RADIL: variants seen among roughly 807,000 people sequenced by gnomAD.
RADIL encodes the protein ras-associating and dilute domain-containing protein.
RADIL carries 99 observed loss-of-function variants against 97.6 expected under a neutral mutation model. The observed-to-expected ratio is 1.01, with a 90% CI of 0.86 to 1.20. The LOEUF (loss-of-function observed/expected upper bound fraction) is 1.20, where lower values mean the gene tolerates loss of function less well. Among genes scored for constraint, RADIL ranks in the 50% most tolerant of loss-of-function variants. The pLI is 0.00. For missense variants in RADIL, 1,765 were observed against 1,498.9 expected, an observed-to-expected ratio of 1.18 and a Z score of -2.93; for synonymous variants, 803 against 691.8, an observed-to-expected ratio of 1.16 and a Z score of -2.52.
At chr7:4,802,164 C>G (rs562194294) in intron 11 of RADIL, among the ~76,000 whole-genome samples, 169 bp from the exon 12 acceptor site, 1 of 152,312 alleles carries the variant, frequency 6.6e-6, no homozygotes, top group South Asian at 2.1e-4. Context: ...AAGGGGCTTC[C>G]CCGCCATCCG....
Position 4,849,521 on chromosome 7 carries a change from T to C in RADIL, c.536-12916A>G, listed in dbSNP as rs1028866328. On this transcript the variant is annotated intron_variant, in intron 2 of 14. Transcript: ENST00000399583. The surrounding 1 kb of genome is among the most constrained non-coding windows in gnomAD (Gnocchi z 5.4). ...CTGTGAGGCTACAGCTTGGTTTTTG[T>C]TGCCTGGGGCAAGGTTCTGAAACAT... 6.6e-6 allele frequency among the ~76,000 whole-genome samples: 1 copy of C among 152,118 alleles called. No homozygotes were observed. The highest frequency in any genetic ancestry group is 1.5e-5 in the Non-Finnish European group (1 of 68,004).
chr7:4,841,502 G>A (rs1011510946), intron 2 of RADIL, among the ~76,000 whole-genome samples: 3 of 152,236 alleles, frequency 2.0e-5, no homozygotes, highest in Admixed American at 2.0e-4. Context: ...ATCTAGTGTT[G>A]ATTTCAGTCC....
At position 4,861,844 on chromosome 7, in the gene RADIL, C is replaced by CACCACCGCGACCTTCACGTCCCCT. The variant is rs769998915; in HGVS notation, c.535+15760_535+15761insAGGGGACGTGAAGGTCGCGGTGGT. On this transcript the variant is annotated intron_variant, in intron 2 of 14. Transcript: ENST00000399583. ...GCCCGCCCCGCCAGGGCACGTCCCCCACCACCGCGACCTTCGCGGCCGCCG... is the reference window on the plus strand; with the variant it reads ...GCCCGCCCCGCCAGGGCACGTCCCCCACCACCGCGACCTTCACGTCCCCTACCACCGCGACCTTCGCGGCCGCCG... 39 of 1,394,992 alleles carry CACCACCGCGACCTTCACGTCCCCT rather than the reference C, an allele frequency of 2.8e-5. 1 individual carries two copies. In the African/African-American group the frequency reaches 5.0e-4, roughly 18 times the overall value. The allele number at this position is 1,394,992 out of a possible 1,614,324, so 86.4% of individuals were successfully genotyped here.
chr7:4,822,459 A>G lies in RADIL; in HGVS notation c.1550T>C (p.Leu517Pro), dbSNP rs1227375699. The change falls in exon 6 of 15, where the codon CTG becomes CCG. Residue 517 changes from leucine (L) to proline (P), a missense_variant. Transcript: ENST00000399583. This position sits in a 1 kb window ranked among gnomAD's most constrained non-coding sequence, Gnocchi z 5.3. ...TGGGCATTTCTGCTGGATAAAGTAC[A>G]GGAGCTCGATGGAGTTAGACATCCA... ...LFWMSNSIELLYFIQQKCPLY... is the reference protein window; with the variant it reads ...LFWMSNSIELPYFIQQKCPLY... 6.2e-7 allele frequency: 1 copy of G among 1,613,054 alleles called. No homozygotes were observed. The highest frequency in any genetic ancestry group is 1.1e-5 in the South Asian group (1 of 91,080).
In RADIL at chr7:4,879,174, G is replaced by A. The variant is rs571725797; in HGVS notation, c.-64-971C>T. Among the ~76,000 whole-genome samples, 1 of 152,372 alleles carries A rather than the reference G, an allele frequency of 6.6e-6. No homozygotes were observed. The highest frequency in any genetic ancestry group is 2.4e-5 in the African/African-American group (1 of 41,596). ...GTCCCGCCCACCACAGGCCGCGGGT[G>A]CCCGGCGCTCCAGGCCACAGAGATG... On this transcript the variant is annotated intron_variant, in intron 1 of 14. Coordinates refer to ENST00000399583, the MANE Select transcript of RADIL (RefSeq NM_018059.5). The surrounding 1 kb of genome is among the most constrained non-coding windows in gnomAD (Gnocchi z 4.1).
chr7:4,805,726 A>G lies in RADIL; in HGVS notation c.2140-10T>C. 11 of 1,602,724 alleles carry G rather than the reference A, an allele frequency of 6.9e-6. No individual in the cohort carries two copies. The highest frequency in any genetic ancestry group is 9.4e-6 in the Non-Finnish European group (11 of 1,174,242). Reference sequence around the variant, plus strand: ...GGGCTGTCCAGCTCATCTGGGTGACAAGAAGGAGCTCATGGTCACAGGTCT... The same window carrying G: ...GGGCTGTCCAGCTCATCTGGGTGACGAGAAGGAGCTCATGGTCACAGGTCT... On this transcript the variant is annotated splice_polypyrimidine_tract_variant and intron_variant, in intron 9 of 14. Coordinates refer to ENST00000399583, the MANE Select transcript of RADIL (RefSeq NM_018059.5).
At chr7:4,876,352 G>C (rs1370694821) in intron 2 of RADIL, among the ~76,000 whole-genome samples, 1 of 151,994 alleles carries the variant, frequency 6.6e-6, no homozygotes, top group East Asian at 1.9e-4. Flanking sequence ...CCAGGCTGGA[G>C]AGCAATGGCA....
At position 4,799,744 on chromosome 7, in the gene RADIL, A is replaced by G. The variant is rs1782011828; in HGVS notation, c.3008T>C (p.Leu1003Pro). The G allele has an allele frequency of 6.4e-7, 1 of 1,551,250 alleles. No individual in the cohort carries two copies. Among genetic ancestry groups the G allele is most frequent in the Non-Finnish European group, 8.7e-7 (1 of 1,153,060 alleles). The change falls in exon 14 of 15, where the codon CTC (leucine) becomes CCC (proline). Residue 1003 changes from leucine to proline, a missense_variant. Physicochemically the swap from Leu to Pro is moderately conservative, Grantham distance 98. Coordinates refer to ENST00000399583, the MANE Select transcript of RADIL (RefSeq NM_018059.5). ...GMHTHLGAPG[L>P]YIQTLLPGSP... is the part of the protein sequence containing the mutation. ...GCCCGGGAGCAGGGTCTGGATGTAG[A>G]GCCCGGGGGCGCCCAGGTGCGTGTG...
chr7:4,881,167 G>A (rs978393353), intron 1 of RADIL, among the ~76,000 whole-genome samples: 1 of 144,456 alleles, frequency 6.9e-6, no homozygotes, highest in Non-Finnish European at 1.5e-5. Context: ...TGTAATCCCA[G>A]CACTTTGGGA....
At position 4,859,964 on chromosome 7, in the gene RADIL, G is replaced by T. The variant is rs1783934948; in HGVS notation, c.535+17641C>A. 6.2e-7 allele frequency: 1 copy of T among 1,613,998 alleles called. No individual in the cohort carries two copies. The highest frequency in any genetic ancestry group is 8.5e-7 in the Non-Finnish European group (1 of 1,179,882). On this transcript the variant is annotated intron_variant, in intron 2 of 14. Coordinates refer to ENST00000399583, the MANE Select transcript of RADIL (RefSeq NM_018059.5). The stretch of plus-strand genomic sequence containing the variant: ...TGGATGGCTTATGAGACATGTTGAA[G>T]AAACAACTCTGGCGACCATGGCCTT...
Position 4,842,029 on chromosome 7 carries a change from T to G in RADIL, c.536-5424A>C. Reference sequence around the variant, plus strand: ...ACGATCACGCCACCGCACTCCAGCCTGGGCAACAGAGCAAGACCCTGTCTC... The same window carrying G: ...ACGATCACGCCACCGCACTCCAGCCGGGGCAACAGAGCAAGACCCTGTCTC... On this transcript the variant is annotated intron_variant, in intron 2 of 14. Coordinates refer to ENST00000399583, the MANE Select transcript of RADIL (RefSeq NM_018059.5). This position sits in a 1 kb window ranked among gnomAD's most constrained non-coding sequence, Gnocchi z 4.5. Among the ~76,000 whole-genome samples, 1 of 149,116 alleles carries G rather than the reference T, an allele frequency of 6.7e-6. No homozygotes were observed. Among genetic ancestry groups the G allele is most frequent in the African/African-American group, 2.5e-5 (1 of 39,988 alleles).
rs1784528949 is a variant in RADIL, at chr7:4,883,578, C to G, written c.-65+18G>C. 1 of 152,220 alleles carries G rather than the reference C, an allele frequency of 6.6e-6. No individual in the cohort carries two copies. The highest frequency in any genetic ancestry group is 2.4e-5 in the African/African-American group (1 of 41,412). 9.4% of individuals were successfully genotyped at this position (152,220 alleles called of 1,614,324 possible). A position where few individuals can be genotyped will look rare whatever the true frequency, so the allele number is the denominator to read the frequency against. ...CACCCCCGGTTCCGCAGTCACTCCT[C>G]GCGCACCCCACACTCACCTCCGGCA... On this transcript the variant is annotated intron_variant, in intron 1 of 14. Coordinates refer to ENST00000399583, the MANE Select transcript of RADIL (RefSeq NM_018059.5). This position sits in a 1 kb window ranked among gnomAD's most constrained non-coding sequence, Gnocchi z 7.1.
At position 4,824,472 on chromosome 7, in the gene RADIL, T is replaced by C. The variant is rs1389607880; in HGVS notation, c.1455-1918A>G. ...AGGGCTGAGGCCCTGTTTTCCTCCC[T>C]GTTCTTTCCCCAGCTGGGCAGCCGA... On this transcript the variant is annotated intron_variant, in intron 5 of 14. Coordinates refer to ENST00000399583, the MANE Select transcript of RADIL (RefSeq NM_018059.5). The surrounding 1 kb of genome is among the most constrained non-coding windows in gnomAD (Gnocchi z 6.7). Among the ~76,000 whole-genome samples, 1 of 152,218 alleles carries C rather than the reference T, an allele frequency of 6.6e-6. No individual in the cohort carries two copies. The highest frequency in any genetic ancestry group is 1.5e-5 in the Non-Finnish European group (1 of 68,038).
rs550641022 is a variant in RADIL at position 4,812,663 on chromosome 7, C to T, written c.2139+2615G>A. 5.9e-5 allele frequency among the ~76,000 whole-genome samples: 9 copies of T among 152,170 alleles called. No individual in the cohort carries two copies. In the East Asian group the frequency reaches 1.7e-3, roughly 29 times the overall value. On this transcript the variant is annotated intron_variant, in intron 9 of 14. Transcript: ENST00000399583. ...TCTCAAACTCCTGACCTCAAATGAT[C>T]CACCTGCCTCAGCCTCCCAAAGTGC...
At position 4,822,393 on chromosome 7, in the gene RADIL, C is replaced by A; in HGVS notation, c.1615+1G>T. On this transcript the variant is annotated splice_donor_variant, in intron 6 of 14. Transcript: ENST00000399583. LOFTEE classifies it high-confidence loss of function. The surrounding 1 kb of genome is among the most constrained non-coding windows in gnomAD (Gnocchi z 5.3). ...GGAATGGAGGGCAGCGCCAGCCGTA[C>A]CTGTGATGTCCAGCTGCTCCTCCAT... 6.2e-7 allele frequency: 1 copy of A among 1,609,490 alleles called. No individual in the cohort carries two copies. Among genetic ancestry groups the A allele is most frequent in the Non-Finnish European group, 8.5e-7 (1 of 1,178,732 alleles).
At chr7:4,852,649 A>G (rs1306200684) in intron 2 of RADIL, among the ~76,000 whole-genome samples, 1 of 152,056 alleles carries the variant, frequency 6.6e-6, no homozygotes, top group Non-Finnish European at 1.5e-5. Context: ...GGGTCTTGCT[A>G]TGTTGCCCAC....
Position 4,835,283 on chromosome 7 carries a change from A to G in RADIL, c.784-44T>C. On this transcript the variant is annotated intron_variant, in intron 3 of 14. Coordinates refer to ENST00000399583, the MANE Select transcript of RADIL (RefSeq NM_018059.5). The surrounding 1 kb of genome is among the most constrained non-coding windows in gnomAD (Gnocchi z 5.8). Reference sequence around the variant, plus strand: ...TCAGGGCAGGCGTAACGCGAGCAGCACACGGGAAAAGCGTCCCGTGTCTAG... The same window carrying G: ...TCAGGGCAGGCGTAACGCGAGCAGCGCACGGGAAAAGCGTCCCGTGTCTAG... The G allele has an allele frequency of 6.3e-7, 1 of 1,590,058 alleles. No homozygotes were observed. Among genetic ancestry groups the G allele is most frequent in the Non-Finnish European group, 8.5e-7 (1 of 1,174,700 alleles).
Position 4,799,312 on chromosome 7 carries a change from G to A in RADIL, c.*66C>T. 2.6e-6 allele frequency: 4 copies of A among 1,520,016 alleles called. No homozygotes were observed. In the South Asian group the frequency reaches 4.5e-5, roughly 17 times the overall value. The allele number at this position is 1,520,016 out of a possible 1,614,324, so 94.2% of individuals were successfully genotyped here. ...CAGTTACAAAACAGGGACGAAGGCG[G>A]GAGGAAGCCCAGTGTCACCAGGTGG... On this transcript the variant is annotated 3_prime_UTR_variant, in exon 15 of 15. Coordinates refer to ENST00000399583, the MANE Select transcript of RADIL (RefSeq NM_018059.5).
rs112043896 is a variant in RADIL, at chr7:4,799,246, T to C, written c.*132A>G. 4.9e-3 allele frequency: 3,470 copies of C among 708,664 alleles called. 9 individuals are homozygous for C. Among genetic ancestry groups the C allele is most frequent in the Non-Finnish European group, 6.4e-3 (2,632 of 413,394 alleles). The allele number at this position is 708,664 out of a possible 1,614,324, so 43.9% of individuals were successfully genotyped here. A position where few individuals can be genotyped will look rare whatever the true frequency, so the allele number is the denominator to read the frequency against. On this transcript the variant is annotated 3_prime_UTR_variant, in exon 15 of 15. Coordinates refer to ENST00000399583, the MANE Select transcript of RADIL (RefSeq NM_018059.5). Reference sequence around the variant, plus strand: ...CTGAGATGCATGTTATCAACAGGCATGTCCCCAGGGTGAGGCTCCCCACCC... The same window carrying C: ...CTGAGATGCATGTTATCAACAGGCACGTCCCCAGGGTGAGGCTCCCCACCC...
Sources: gnomAD v4.1 joint callset for allele counts (sites outside exome capture counted in the v4.1 genomes callset) on GRCh38, gnomAD v4.1.1 for gene constraint, Gnocchi (gnomAD v3.1) non-coding constraint, MANE v1.5 for transcripts, NCBI Gene and HGNC (gene_info 2026-07-23, HGNC 2026-07-21) for gene names.